The following STX8 variants were observed in gnomAD, a reference collection of about 807,000 sequenced individuals.
The protein encoded by STX8 is syntaxin 8.
In STX8, 23 loss-of-function variants were observed where a neutral mutation model predicts 37.5. The observed-to-expected ratio is 0.61, with a 90% CI of 0.44 to 0.87. STX8 has a LOEUF of 0.87. STX8 is among the 40% of genes least tolerant of loss of function. STX8 has a pLI of 0.00. For missense variants in STX8, 313 were observed against 284.7 expected, an observed-to-expected ratio of 1.10 and a Z score of -0.71; for synonymous variants, 115 against 99.1, an observed-to-expected ratio of 1.16 and a Z score of -0.95.
chr17:9,560,760 T>A (rs564765426), intron 2 of STX8, among the ~76,000 whole-genome samples: 62 of 143,912 alleles, frequency 4.3e-4, no homozygotes, highest in African/African-American at 1.0e-3. Flanking sequence ...TTTTTTTTTT[T>A]AAATGAAGTT....
chr17:9,551,041 C>T lies in STX8; in HGVS notation c.213-5759G>A, dbSNP rs375528666. On this transcript the variant is annotated intron_variant, in intron 3 of 7. Transcript: ENST00000306357. The stretch of plus-strand genomic sequence containing the variant: ...AGTGAGCTGAGATCGCACCATTGTG[C>T]TCCAGACTGGGCAACAAGAGTGAAA... 2.7e-3 allele frequency among the ~76,000 whole-genome samples: 409 copies of T among 152,268 alleles called. 2 individuals carry two copies. Among genetic ancestry groups the T allele is most frequent in the African/African-American group, 9.4e-3 (392 of 41,532 alleles).
chr17:9,557,587 T>C, intron 2 of STX8, 59 bp from the exon 3 acceptor site: 2 of 1,456,494 alleles, frequency 1.4e-6, no homozygotes, highest in African/African-American at 1.4e-5. Flanking sequence ...TCCACAAAAT[T>C]ACATCACGTA....
chr17:9,273,142 G>A (rs1259411358), intron 7 of STX8: 3 of 152,208 alleles, frequency 2.0e-5, no homozygotes, highest in Admixed American at 6.5e-5. Flanking sequence ...GATGAGACCC[G>A]AGGTTTAGAA....
intron 6 of STX8, among the ~76,000 whole-genome samples, chr17:9,410,381 T>C (rs1912940261): frequency 6.6e-6 from 1 of 152,244 alleles, no homozygotes; most frequent in Admixed American, 6.5e-5. Flanking sequence ...TAACATTCAT[T>C]ATCTAATAGA....
At chr17:9,468,386 A>G (rs1198103041) in intron 6 of STX8, among the ~76,000 whole-genome samples, 1 of 152,212 alleles carries the variant, frequency 6.6e-6, no homozygotes, top group Admixed American at 6.5e-5. Flanking sequence ...CTGGGATTAC[A>G]GGTGTGAGCC....
At chr17:9,326,129 CT>C (rs58852537) in intron 7 of STX8, among the ~76,000 whole-genome samples, 16,560 of 145,310 alleles carry the variant, frequency 0.11, 2,871 homozygotes, top group African/African-American at 0.38. Context: ...TCCCTGTTTC[CT>C]TTTTTTTTTT....
intron 6 of STX8, chr17:9,467,335 T>A (rs1179848022): frequency 6.6e-6 from 1 of 152,226 alleles, no homozygotes; most frequent in African/African-American, 2.4e-5. Context: ...GCTCTCTGTC[T>A]TAATCACTAA....
chr17:9,285,554 G>A (rs1237672051), intron 7 of STX8, among the ~76,000 whole-genome samples: 1 of 152,200 alleles, frequency 6.6e-6, no homozygotes, highest in Non-Finnish European at 1.5e-5. Flanking sequence ...AGAAGCCAGG[G>A]TGAAGCCCAG....
chr17:9,494,839 T>C (rs1434622838), intron 5 of STX8, among the ~76,000 whole-genome samples: 1 of 152,104 alleles, frequency 6.6e-6, no homozygotes, highest in Non-Finnish European at 1.5e-5. Flanking sequence ...GTCATGTCTT[T>C]GTAAAAATTT....
Position 9,353,283 on chromosome 17 carries a change from G to C in STX8, c.643+25269C>G, listed in dbSNP as rs796257473. Among the ~76,000 whole-genome samples the C allele has an allele frequency of 6.6e-5, 10 of 152,234 alleles. 1 individual carries two copies. The highest frequency in any genetic ancestry group is 2.4e-4 in the African/African-American group (10 of 41,548). ...TGCGCTTCCTTGATCTCAGACCCAAGATGTTCTAGGCTTGCCTTTTATCTT... is the reference window on the plus strand; with the variant it reads ...TGCGCTTCCTTGATCTCAGACCCAACATGTTCTAGGCTTGCCTTTTATCTT... On this transcript the variant is annotated intron_variant, in intron 7 of 7. Transcript: ENST00000306357.
At chr17:9,485,742 C>T (rs886630811) in intron 6 of STX8, among the ~76,000 whole-genome samples, 1 of 152,030 alleles carries the variant, frequency 6.6e-6, no homozygotes, top group Non-Finnish European at 1.5e-5. Context: ...TGTGCCACCA[C>T]ACCCAGCTAA....
rs147904687 is a variant in STX8 at position 9,488,630 on chromosome 17, G to A, written c.541+3199C>T. On this transcript the variant is annotated intron_variant, in intron 6 of 7. Transcript: ENST00000306357. ...TGTTGTCTTTGAAGACGGAGGAAGG[G>A]GTCATGGGCCAAGGAATGTAGCTGG... 3.5e-4 allele frequency among the ~76,000 whole-genome samples: 53 copies of A among 152,180 alleles called. No homozygotes were observed. In the East Asian group the frequency reaches 9.9e-3, roughly 28 times the overall value.
At chr17:9,428,140 G>A (rs1316953375) in intron 6 of STX8, among the ~76,000 whole-genome samples, 1 of 152,178 alleles carries the variant, frequency 6.6e-6, no homozygotes, top group African/African-American at 2.4e-5. Flanking sequence ...CTGAATCAGA[G>A]AACAGGGGGT....
In STX8 at chr17:9,509,206, G is replaced by A. The variant is rs183563086; in HGVS notation, c.324-4044C>T. Among the ~76,000 whole-genome samples the A allele has an allele frequency of 2.0e-3, 307 of 152,210 alleles. 1 individual carries two copies. The highest frequency in any genetic ancestry group is 3.6e-3 in the Non-Finnish European group (245 of 67,998). ...GGAGGTTGCAGTGAGCTGAGACCACGCTACTGCACTCCAGCCTGGGCAACA... is the reference window on the plus strand; with the variant it reads ...GGAGGTTGCAGTGAGCTGAGACCACACTACTGCACTCCAGCCTGGGCAACA... On this transcript the variant is annotated intron_variant, in intron 4 of 7. Coordinates refer to ENST00000306357, the MANE Select transcript of STX8 (RefSeq NM_004853.3).
chr17:9,369,886 C>CAAAAA lies in STX8; in HGVS notation c.643+8661_643+8665dup, dbSNP rs60178482. Among the ~76,000 whole-genome samples the CAAAAA allele has an allele frequency of 2.7e-3, 141 of 52,068 alleles. 1 individual carries two copies. The highest frequency in any genetic ancestry group is 3.2e-3 in the African/African-American group (50 of 15,584). 34.2% of individuals were successfully genotyped at this position (52,068 alleles called of 152,430 possible). A position where few individuals can be genotyped will look rare whatever the true frequency, so the allele number is the denominator to read the frequency against. On this transcript the variant is annotated intron_variant, in intron 7 of 7. Transcript: ENST00000306357. ...ATGACAGACCAGACAGACCCTGTACCAAAAAAAAAAAAAAAAAAAAAAAAG... is the reference window on the plus strand; with the variant it reads ...ATGACAGACCAGACAGACCCTGTACCAAAAAAAAAAAAAAAAAAAAAAAAAAAAAG...
chr17:9,406,354 G>T (rs1042738581), intron 6 of STX8, among the ~76,000 whole-genome samples: 3 of 152,102 alleles, frequency 2.0e-5, no homozygotes, highest in Non-Finnish European at 4.4e-5. Flanking sequence ...TTGTACTGTG[G>T]TATACAATTT....
At chr17:9,553,237 T>C (rs1411468336) in intron 3 of STX8, 1 of 152,222 alleles carries the variant, frequency 6.6e-6, no homozygotes, top group East Asian at 1.9e-4. Context: ...TGAACAGATG[T>C]TAAGGTCTTT....
chr17:9,283,351 G>A (rs1907958432), intron 7 of STX8: 1 of 152,128 alleles, frequency 6.6e-6, no homozygotes. Flanking sequence ...GACCAGCCTG[G>A]TCAACATGGT....
intron 4 of STX8, among the ~76,000 whole-genome samples, chr17:9,514,808 T>C (rs934897651): frequency 6.6e-6 from 1 of 152,130 alleles, no homozygotes; most frequent in Non-Finnish European, 1.5e-5. Flanking sequence ...ATTGCTACCC[T>C]ATTATTTAAC....
Sources: gnomAD v4.1 joint callset for allele counts (sites outside exome capture counted in the v4.1 genomes callset) on GRCh38, gnomAD v4.1.1 for gene constraint, MANE v1.5 for transcripts, NCBI Gene and HGNC (gene_info 2026-07-23, HGNC 2026-07-21) for gene names.